The following SHC4 variants were observed in gnomAD, a reference collection of about 807,000 sequenced individuals.
The protein encoded by SHC4 is SHC adaptor protein 4, also known as SHC-transforming protein 4.
Under a neutral mutation model 69.4 loss-of-function variants are expected in SHC4, and 41 were observed. That is an observed-to-expected ratio of 0.59 (90% CI 0.46 to 0.77). The LOEUF is 0.77. Among genes scored for constraint, SHC4 ranks in the 30% least tolerant of loss-of-function variants. SHC4 has a pLI of 0.00. For missense variants in SHC4, 777 were observed against 783.8 expected (o/e 0.99, Z 0.10); for synonymous variants, 318 against 299.3 (o/e 1.06, Z -0.64).
At chr15:48,932,798 C>G (rs1352564470) in intron 1 of SHC4, among the ~76,000 whole-genome samples, 1 of 152,158 alleles carries the variant, frequency 6.6e-6, no homozygotes, top group Non-Finnish European at 1.5e-5. Context: ...TATGGAACTA[C>G]TTCTTGGTCA....
At chr15:48,828,115 GTA>G (rs57462591) in intron 11 of SHC4, among the ~76,000 whole-genome samples, 10,647 of 74,986 alleles carry the variant, frequency 0.14, 712 homozygotes, top group East Asian at 0.26. Flanking sequence ...GTGTGTGTGT[GTA>G]TATATATATA....
At chr15:48,864,852 C>T (rs1353837648) in intron 6 of SHC4, among the ~76,000 whole-genome samples, 1 of 152,178 alleles carries the variant, frequency 6.6e-6, no homozygotes, top group East Asian at 1.9e-4. Context: ...TTTGATGGCT[C>T]CAGTGACCTC....
At chr15:48,909,173 T>C (rs1900463146) in intron 2 of SHC4, among the ~76,000 whole-genome samples, 3 of 152,218 alleles carry the variant, frequency 2.0e-5, no homozygotes, top group African/African-American at 7.2e-5. Flanking sequence ...ATTCTGCCCA[T>C]CCATGAGCAT....
chr15:48,924,890 G>A lies in SHC4; in HGVS notation c.645C>T (p.Thr215=). The A allele has an allele frequency of 1.2e-6, 2 of 1,614,000 alleles. No homozygotes were observed. The highest frequency in any genetic ancestry group is 2.2e-5 in the South Asian group (2 of 91,062). The stretch of plus-strand genomic sequence containing the variant: ...TTTTGGCTTCTTACCTTGTAACTTG[G>A]GTTCTCATTCCAAAATCCAGTGATC... ...SMRSLDFGMR[T]QVTREAISRL... The change falls in exon 2 of 12, where the codon ACC becomes ACT. Residue 215 remains threonine (T), a synonymous_variant. Coordinates refer to ENST00000332408, the MANE Select transcript of SHC4 (RefSeq NM_203349.4).
chr15:48,923,885 C>T (rs1395398980), intron 2 of SHC4, among the ~76,000 whole-genome samples: 2 of 152,228 alleles, frequency 1.3e-5, no homozygotes, highest in Non-Finnish European at 2.9e-5. Flanking sequence ...AAGCAATCCT[C>T]CAACCTCAGC....
intron 1 of SHC4, among the ~76,000 whole-genome samples, chr15:48,931,535 A>T (rs79074467): frequency 0.067 from 10,221 of 152,082 alleles, 461 homozygotes; most frequent in Non-Finnish European, 0.076. Context: ...CCATCAACCA[A>T]TCAAGAGGTA....
chr15:48,943,514 T>C (rs1284742339), intron 1 of SHC4, among the ~76,000 whole-genome samples: 2 of 152,222 alleles, frequency 1.3e-5, no homozygotes, highest in East Asian at 1.9e-4. Flanking sequence ...GTGGATACTT[T>C]GGTTGTTTCC....
intron 3 of SHC4, among the ~76,000 whole-genome samples, chr15:48,885,255 A>G (rs955309224): frequency 5.9e-5 from 9 of 152,236 alleles, no homozygotes; most frequent in Admixed American, 4.6e-4. Context: ...TTCCTCAGGC[A>G]GAAATGCCAC....
At chr15:48,915,677 G>C (rs1900606408) in intron 2 of SHC4, among the ~76,000 whole-genome samples, 1 of 152,168 alleles carries the variant, frequency 6.6e-6, no homozygotes, top group Non-Finnish European at 1.5e-5. Context: ...TTGACCCTTG[G>C]ACAGCAGACC....
At chr15:48,951,616 C>G (rs1016587082) in intron 1 of SHC4, among the ~76,000 whole-genome samples, 1 of 152,168 alleles carries the variant, frequency 6.6e-6, no homozygotes, top group East Asian at 1.9e-4. Context: ...AGTCAAATCA[C>G]TTACTGCTCC....
chr15:48,955,290 C>T (rs976205746), intron 1 of SHC4, among the ~76,000 whole-genome samples: 1 of 152,170 alleles, frequency 6.6e-6, no homozygotes, highest in Non-Finnish European at 1.5e-5. Context: ...TAGCCACCTT[C>T]AGGTGCAGAC....
chr15:48,955,519 C>T (rs1901438594), intron 1 of SHC4, among the ~76,000 whole-genome samples: 1 of 152,118 alleles, frequency 6.6e-6, no homozygotes, highest in Non-Finnish European at 1.5e-5. Context: ...AGGGTTGCAG[C>T]AATGAATGAA....
At chr15:48,830,324 T>C (rs1898773792) in intron 11 of SHC4, among the ~76,000 whole-genome samples, 1 of 152,240 alleles carries the variant, frequency 6.6e-6, no homozygotes, top group African/African-American at 2.4e-5. Context: ...CTGTTATTTC[T>C]CCACACACAA....
chr15:48,916,856 A>G (rs1050166019), intron 2 of SHC4, among the ~76,000 whole-genome samples: 5 of 152,234 alleles, frequency 3.3e-5, no homozygotes, highest in African/African-American at 1.2e-4. Flanking sequence ...ACTGAATACA[A>G]GTTACATGTG....
Position 48,921,101 on chromosome 15 carries a change from C to T in SHC4, c.656+3778G>A, listed in dbSNP as rs969622652. Among the ~76,000 whole-genome samples, 31 of 152,178 alleles carry T rather than the reference C, an allele frequency of 2.0e-4. 1 individual carries two copies. The Middle Eastern group carries it at 0.017, about 83-fold the overall frequency. ...ATGAATAGACAAAATGTAGTATAGA[C>T]GTACAATAGAGAGTAGTATTGAGCC... On this transcript the variant is annotated intron_variant, in intron 2 of 11. Coordinates refer to ENST00000332408, the MANE Select transcript of SHC4 (RefSeq NM_203349.4).
chr15:48,876,468 C>G (rs894856795), intron 4 of SHC4: 1 of 386,770 alleles, frequency 2.6e-6, no homozygotes, highest in Admixed American at 4.3e-5. Context: ...CACACACACA[C>G]GTATATACAC....
At chr15:48,829,691 G>T (rs1898759109) in intron 11 of SHC4, among the ~76,000 whole-genome samples, 1 of 152,188 alleles carries the variant, frequency 6.6e-6, no homozygotes, top group African/African-American at 2.4e-5. Context: ...AGGCCAAGCA[G>T]GTGGATTACC....
intron 10 of SHC4, among the ~76,000 whole-genome samples, chr15:48,839,343 C>T (rs1345995413): frequency 6.6e-6 from 1 of 152,222 alleles, no homozygotes; most frequent in Non-Finnish European, 1.5e-5. Context: ...ACTCTAATCT[C>T]TCATGACCAC....
chr15:48,826,000 T>G lies in SHC4; in HGVS notation c.1864A>C (p.Asn622His). 2 of 1,613,864 alleles carry G rather than the reference T, an allele frequency of 1.2e-6. No individual in the cohort carries two copies. The highest frequency in any genetic ancestry group is 1.7e-5 in the Admixed American group (1 of 59,976). Residue 622 changes from asparagine to histidine, a missense_variant, in exon 12 of 12, where the codon AAT becomes CAT. Transcript: ENST00000332408. ...TTGTTGGAATGCAAAAGTGCTGGAT[T>G]ATTATCTTTTCTCACTGGTTGTTTA... ...SLKQPVRKDN[N>H]PALLHSNK
Sources: allele counts gnomAD v4.1 joint callset (sites outside exome capture counted in the v4.1 genomes callset), GRCh38; gene constraint gnomAD v4.1.1; transcripts MANE v1.5; gene names NCBI Gene and HGNC (gene_info 2026-07-23, HGNC 2026-07-21).